The following RSPO2 variants were observed in gnomAD, a reference collection of about 807,000 sequenced individuals.
RSPO2 encodes the protein R-spondin-2.
A neutral mutation model predicts 30.9 loss-of-function variants in RSPO2; 14 were observed. The ratio of observed to expected loss-of-function variants is 0.45; its 90% CI spans 0.30 to 0.71. The LOEUF (loss-of-function observed/expected upper bound fraction) is 0.71, where lower values mean the gene tolerates loss of function less well. Ranked by LOEUF, RSPO2 falls within the 30% of genes least tolerant of loss-of-function variation. The probability of loss-of-function intolerance (pLI) is 0.08; values close to 1 mark genes in which losing one functional copy is unlikely to be tolerated. For synonymous variants in RSPO2, 107 were observed against 96.4 expected, an observed-to-expected ratio of 1.11 and a Z score of -0.64; for missense variants, 264 against 301.9, an observed-to-expected ratio of 0.87 and a Z score of 0.93.
intron 5 of RSPO2, among the ~76,000 whole-genome samples, chr8:107,954,397 A>C (rs1813347014): frequency 6.6e-6 from 1 of 152,110 alleles, no homozygotes; most frequent in Non-Finnish European, 1.5e-5. Context: ...TTCCACTTAA[A>C]GCTTCAGGTT....
At chr8:108,041,640 T>C (rs914028184) in intron 2 of RSPO2, among the ~76,000 whole-genome samples, 5 of 152,184 alleles carry the variant, frequency 3.3e-5, no homozygotes, top group Non-Finnish European at 7.3e-5. Flanking sequence ...ATCTTTAATC[T>C]TATTAGTAAA....
intron 2 of RSPO2, among the ~76,000 whole-genome samples, chr8:108,042,604 T>G (rs1811791947): frequency 6.6e-6 from 1 of 152,098 alleles, no homozygotes; most frequent in Non-Finnish European, 1.5e-5. Flanking sequence ...GAAGCAACTT[T>G]GTGATTAACA....
chr8:108,002,858 T>C (rs893325798), intron 2 of RSPO2, among the ~76,000 whole-genome samples: 1 of 152,140 alleles, frequency 6.6e-6, no homozygotes, highest in African/African-American at 2.4e-5. Context: ...CAAAGATAAT[T>C]TTTTTAATTG....
chr8:107,928,120 C>T (rs1266344637), intron 5 of RSPO2, among the ~76,000 whole-genome samples: 4 of 152,118 alleles, frequency 2.6e-5, no homozygotes, highest in African/African-American at 9.7e-5. Flanking sequence ...CATGAGAATA[C>T]TTAAGTATTC....
intron 5 of RSPO2, among the ~76,000 whole-genome samples, chr8:107,917,190 T>C (rs1812007860): frequency 6.6e-6 from 1 of 152,146 alleles, no homozygotes; most frequent in African/African-American, 2.4e-5. Flanking sequence ...TTTTTGCCTT[T>C]AAAATTTTTT....
At chr8:108,006,972 C>G (rs543091477) in intron 2 of RSPO2, among the ~76,000 whole-genome samples, 1 of 152,136 alleles carries the variant, frequency 6.6e-6, no homozygotes, top group Non-Finnish European at 1.5e-5. Flanking sequence ...CAGCATGTAC[C>G]TTCTAAAAAT....
chr8:107,976,771 TCTC>T (rs1814228871), intron 3 of RSPO2, among the ~76,000 whole-genome samples: 1 of 152,178 alleles, frequency 6.6e-6, no homozygotes, highest in African/African-American at 2.4e-5. Context: ...TGATCCCTGT[TCTC>T]CTGTCTACAA....
At chr8:108,052,526 G>A (rs1812106285) in intron 2 of RSPO2, among the ~76,000 whole-genome samples, 1 of 152,044 alleles carries the variant, frequency 6.6e-6, no homozygotes, top group South Asian at 2.1e-4. Flanking sequence ...GTGTTTCAGG[G>A]AATCTTTCCA....
intron 2 of RSPO2, chr8:107,989,636 A>G (rs1370185799): frequency 1.9e-5 from 3 of 160,430 alleles, no homozygotes; most frequent in African/African-American, 7.2e-5. Context: ...CCCTGCCCTA[A>G]CTGGCTAGAG....
chr8:107,958,015 G>A, intron 5 of RSPO2, 65 bp downstream of exon 5: 2 of 1,060,222 alleles, frequency 1.9e-6, no homozygotes, highest in South Asian at 4.0e-5. Context: ...GGAAGGGAAG[G>A]TGGTTAGGAA....
chr8:107,963,522 CA>C (rs61697128), intron 3 of RSPO2, among the ~76,000 whole-genome samples: 419 of 31,976 alleles, frequency 0.013, no homozygotes, highest in African/African-American at 0.059. Flanking sequence ...AGACCTGTCT[CA>C]AAAAAAAAAA....
At chr8:108,062,364 G>T (rs866778795) in intron 2 of RSPO2, among the ~76,000 whole-genome samples, 5 of 151,720 alleles carry the variant, frequency 3.3e-5, no homozygotes, top group Non-Finnish European at 7.4e-5. Context: ...TATCACCACC[G>T]ATCCCACAGA....
At chr8:108,039,833 T>C (rs1012128707) in intron 2 of RSPO2, among the ~76,000 whole-genome samples, 5 of 152,138 alleles carry the variant, frequency 3.3e-5, no homozygotes, top group Non-Finnish European at 7.4e-5. Context: ...TGAAGGTAGG[T>C]AAATCAGGTC....
At chr8:107,988,142 G>T (rs1814713599) in intron 3 of RSPO2, among the ~76,000 whole-genome samples, 1 of 151,586 alleles carries the variant, frequency 6.6e-6, no homozygotes, top group South Asian at 2.1e-4. Context: ...AGTGATTTTT[G>T]GATTAAAAGA....
At chr8:107,962,637 C>T (rs1813665430) in intron 3 of RSPO2, among the ~76,000 whole-genome samples, 1 of 152,112 alleles carries the variant, frequency 6.6e-6, no homozygotes, top group Admixed American at 6.6e-5. Flanking sequence ...ACCTCTTAAT[C>T]ATGGTCAAAC....
chr8:108,054,494 A>G lies in RSPO2; in HGVS notation c.94+28051T>C, dbSNP rs555224466. Among the ~76,000 whole-genome samples the G allele has an allele frequency of 7.2e-5, 11 of 152,218 alleles. 1 individual carries two copies. Among genetic ancestry groups the G allele is most frequent in the African/African-American group, 2.6e-4 (11 of 41,544 alleles). On this transcript the variant is annotated intron_variant, in intron 2 of 5. Transcript: ENST00000276659. ...AATATATCACTTCCACCCACATTCC[A>G]TGAGTCAAAACTCAGGCCCACAGCC...
intron 3 of RSPO2, among the ~76,000 whole-genome samples, chr8:107,978,955 G>A (rs1288393349): frequency 6.6e-6 from 1 of 152,194 alleles, no homozygotes; most frequent in African/African-American, 2.4e-5. Context: ...GGCCGTCAGA[G>A]AAATGCAAAT....
At chr8:108,060,019 T>TAA (rs200227149) in intron 2 of RSPO2, among the ~76,000 whole-genome samples, 1 of 149,862 alleles carries the variant, frequency 6.7e-6, no homozygotes, top group African/African-American at 2.5e-5. Context: ...AAAATAAAAT[T>TAA]AAAAAAAAAG....
chr8:107,922,390 C>T (rs910279806), intron 5 of RSPO2, among the ~76,000 whole-genome samples: 10 of 151,064 alleles, frequency 6.6e-5, no homozygotes, highest in African/African-American at 2.4e-4. Context: ...TACAGCTAAC[C>T]AGGGAGGTGA....
Sources: gnomAD v4.1 joint callset for allele counts (sites outside exome capture counted in the v4.1 genomes callset) on GRCh38, gnomAD v4.1.1 for gene constraint, MANE v1.5 for transcripts, NCBI Gene and HGNC (gene_info 2026-07-23, HGNC 2026-07-21) for gene names.